The following DDX60 variants were observed in gnomAD, a reference collection of about 807,000 sequenced individuals.
DDX60 encodes probable ATP-dependent RNA helicase DDX60.
A neutral mutation model predicts 212.8 loss-of-function variants in DDX60; 165 were observed. That is an observed-to-expected ratio of 0.78 (90% confidence interval 0.68 to 0.88). DDX60 has a LOEUF of 0.88. Among genes scored for constraint, DDX60 ranks in the 40% least tolerant of loss-of-function variants. The probability of loss-of-function intolerance (pLI) is 0.00; values close to 1 mark genes in which losing one functional copy is unlikely to be tolerated. For synonymous variants in DDX60, 703 were observed against 685.3 expected, an observed-to-expected ratio of 1.03 and a Z score of -0.40; for missense variants, 1,905 against 2,003.9, an observed-to-expected ratio of 0.95 and a Z score of 0.94.
In DDX60 at chr4:168,268,901, G is replaced by C; in HGVS notation, c.2739C>G (p.Pro913=). 1 of 1,597,756 alleles carries C rather than the reference G, an allele frequency of 6.3e-7. No homozygotes were observed. Among genetic ancestry groups the C allele is most frequent in the African/African-American group, 1.3e-5 (1 of 74,686 alleles). Residue 913 remains proline, a synonymous_variant, in exon 20 of 38, where the codon CCC becomes CCG. Transcript: ENST00000393743. ...TTATGGTAGCTGAAAGAGCCAAAAA[G>C]GGACATCGGATCATGACAAGGAGAT... The part of the protein sequence containing the change: ...WEHLLVMIRC[P]FLALSATISN...
At chr4:168,250,595 G>A (rs1435457687) in intron 28 of DDX60, among the ~76,000 whole-genome samples, 1 of 148,746 alleles carries the variant, frequency 6.7e-6, no homozygotes, top group Non-Finnish European at 1.5e-5. Flanking sequence ...GCATGATCTC[G>A]GCTCACTGCA....
At chr4:168,297,193 G>A (rs1736383552) in intron 6 of DDX60, among the ~76,000 whole-genome samples, 1 of 151,292 alleles carries the variant, frequency 6.6e-6, no homozygotes, top group South Asian at 2.1e-4. Context: ...ACAGGCATAA[G>A]CCACCACGCC....
At position 168,288,040 on chromosome 4, in the gene DDX60, T is replaced by C. The variant is rs1018446759; in HGVS notation, c.1183+134A>G. ...CTCTAATTGCAACTAAAATATTACATACAAATGTGAACAAAGATGAAAATA... is the reference window on the plus strand; with the variant it reads ...CTCTAATTGCAACTAAAATATTACACACAAATGTGAACAAAGATGAAAATA... On this transcript the variant is annotated intron_variant, in intron 9 of 37. Transcript: ENST00000393743. 1.3e-5 allele frequency: 7 copies of C among 556,054 alleles called. No homozygotes were observed. In the Middle Eastern group the frequency reaches 1.7e-3, roughly 131 times the overall value. 34.4% of individuals were successfully genotyped at this position (556,054 alleles called of 1,614,324 possible). A position where few individuals can be genotyped will look rare whatever the true frequency, so the allele number is the denominator to read the frequency against.
At chr4:168,231,106 G>C (rs1014833834) in intron 33 of DDX60, among the ~76,000 whole-genome samples, 5 of 151,876 alleles carry the variant, frequency 3.3e-5, no homozygotes, top group African/African-American at 1.2e-4. Flanking sequence ...AAACTTAGAG[G>C]AGATGGGTAA....
chr4:168,316,146 T>C (rs1373708914), intron 1 of DDX60, among the ~76,000 whole-genome samples: 2 of 152,170 alleles, frequency 1.3e-5, no homozygotes, highest in African/African-American at 2.4e-5. Context: ...TAAAGGAAGC[T>C]ATAAAGAAAA....
upstream of DDX60, among the ~76,000 whole-genome samples, chr4:168,322,435 C>A (rs1253163430): frequency 1.3e-5 from 2 of 152,122 alleles, no homozygotes; most frequent in African/African-American, 4.8e-5. Context: ...CTAGAGCAAG[C>A]CTCATCATTT....
chr4:168,260,828 A>G, intron 25 of DDX60, 37 bp downstream of exon 25: 1 of 1,571,348 alleles, frequency 6.4e-7, no homozygotes, highest in East Asian at 2.2e-5. Flanking sequence ...AGTCTAATAC[A>G]ATTACAAGCA....
At chr4:168,221,448 T>A (rs1733046969) in intron 36 of DDX60, among the ~76,000 whole-genome samples, 1 of 152,128 alleles carries the variant, frequency 6.6e-6, no homozygotes, top group African/African-American at 2.4e-5. Flanking sequence ...TACAAATATA[T>A]CTATGAGCAT....
intron 16 of DDX60, among the ~76,000 whole-genome samples, chr4:168,274,685 G>C (rs947527055): frequency 6.6e-5 from 10 of 152,160 alleles, no homozygotes; most frequent in Non-Finnish European, 1.3e-4. Flanking sequence ...AGTGCCTCTA[G>C]TCCTGCACTG....
At chr4:168,318,101 A>T (rs1410546777) in intron 1 of DDX60, among the ~76,000 whole-genome samples, 1 of 152,228 alleles carries the variant, frequency 6.6e-6, no homozygotes, top group Admixed American at 6.5e-5. Flanking sequence ...CCAGGAATAA[A>T]TTAAGTTACT....
chr4:168,225,140 A>C (rs1733205020), intron 34 of DDX60, among the ~76,000 whole-genome samples: 1 of 152,058 alleles, frequency 6.6e-6, no homozygotes, highest in African/African-American at 2.4e-5. Context: ...AAGATCTCAC[A>C]GCTAATAAGT....
At chr4:168,279,119 T>C (rs1403722527) in intron 14 of DDX60, among the ~76,000 whole-genome samples, 1 of 152,174 alleles carries the variant, frequency 6.6e-6, no homozygotes, top group Admixed American at 6.5e-5. Flanking sequence ...AGGCATAGCA[T>C]ACAGACTGAA....
chr4:168,246,736 T>A, intron 29 of DDX60, 118 bp from the exon 30 acceptor site: 2 of 1,044,564 alleles, frequency 1.9e-6, no homozygotes, highest in Non-Finnish European at 2.8e-6. Flanking sequence ...GTCTAACCAT[T>A]AAGGAACGGA....
intron 15 of DDX60, among the ~76,000 whole-genome samples, 174 bp downstream of exon 15, chr4:168,275,841 G>A (rs746458778): frequency 6.6e-6 from 1 of 150,750 alleles, no homozygotes; most frequent in Non-Finnish European, 1.5e-5. Context: ...GTAAGCATTT[G>A]TACAAATTTT....
At chr4:168,281,560 C>T (rs1735594235) in intron 13 of DDX60, among the ~76,000 whole-genome samples, 1 of 152,178 alleles carries the variant, frequency 6.6e-6, no homozygotes, top group South Asian at 2.1e-4. Context: ...AGAGGAACAA[C>T]ACAAATACAA....
At chr4:168,231,607 CA>C (rs1733458085) in intron 33 of DDX60, among the ~76,000 whole-genome samples, 1 of 151,862 alleles carries the variant, frequency 6.6e-6, no homozygotes, top group Non-Finnish European at 1.5e-5. Flanking sequence ...GATTTAAAAA[CA>C]AAAATCACTG....
At chr4:168,325,628 T>C in the DDX60 span, among the ~76,000 whole-genome samples, 2 of 122,508 alleles carry the variant, frequency 1.6e-5, no homozygotes, top group African/African-American at 5.3e-5. Context: ...CCATCTGTGA[T>C]ATATCTGCCA....
At position 168,216,865 on chromosome 4, in the gene DDX60, A is replaced by G; in HGVS notation, c.*68T>C. 1.1e-6 allele frequency: 1 copy of G among 940,538 alleles called. No individual in the cohort carries two copies. Among genetic ancestry groups the G allele is most frequent in the South Asian group, 1.6e-5 (1 of 63,952 alleles). The allele number at this position is 940,538 out of a possible 1,614,324, so 58.3% of individuals were successfully genotyped here. A position where few individuals can be genotyped will look rare whatever the true frequency, so the allele number is the denominator to read the frequency against. On this transcript the variant is annotated 3_prime_UTR_variant, in exon 38 of 38. Coordinates refer to ENST00000393743, the MANE Select transcript of DDX60 (RefSeq NM_017631.6). Reference sequence around the variant, plus strand: ...TAATGTATTTCTGGCAAGAAGCATAAGAATCAAAAACGTGACCTGAAAAAC... The same window carrying G: ...TAATGTATTTCTGGCAAGAAGCATAGGAATCAAAAACGTGACCTGAAAAAC...
intron 14 of DDX60, 37 bp from the exon 15 acceptor site, chr4:168,276,218 C>T (rs947595196): frequency 6.6e-7 from 1 of 1,503,874 alleles, no homozygotes; most frequent in Non-Finnish European, 9.1e-7. Context: ...GTTATAAAGA[C>T]CATCAAAAAT....
Sources: allele counts gnomAD v4.1 joint callset (sites outside exome capture counted in the v4.1 genomes callset), GRCh38; gene constraint gnomAD v4.1.1; transcripts MANE v1.5; gene names NCBI Gene and HGNC (gene_info 2026-07-23, HGNC 2026-07-21).